Variants in CSMD3 observed in about 807,000 individuals in gnomAD.
The protein encoded by CSMD3 is CUB and sushi domain-containing protein 3.
Under a neutral mutation model 435.2 loss-of-function variants are expected in CSMD3, and 177 were observed. That is an observed-to-expected ratio of 0.41 (90% CI 0.36 to 0.46). CSMD3 has a LOEUF of 0.46. CSMD3 is among the 20% of genes least tolerant of loss of function. CSMD3 has a pLI of 0.34. For synonymous variants in CSMD3, 1,656 were observed against 1,520.5 expected, an observed-to-expected ratio of 1.09 and a Z score of -2.07; for missense variants, 4,265 against 4,504.6, an observed-to-expected ratio of 0.95 and a Z score of 1.52.
At chr8:112,244,670 C>T in intron 64 of CSMD3, 97 bp from the exon 65 acceptor site, 2 of 799,374 alleles carry the variant, frequency 2.5e-6, no homozygotes, top group South Asian at 3.0e-5. Flanking sequence ...ACTTCAATGC[C>T]TTTATATACA....
chr8:112,437,575 G>A (rs984713992), intron 32 of CSMD3, among the ~76,000 whole-genome samples: 2 of 151,878 alleles, frequency 1.3e-5, no homozygotes, highest in Non-Finnish European at 2.9e-5. Flanking sequence ...ATATATATAT[G>A]TGTGTGTGTA....
intron 13 of CSMD3, among the ~76,000 whole-genome samples, chr8:112,726,997 G>A (rs2076980427): frequency 6.6e-6 from 1 of 151,494 alleles, no homozygotes; most frequent in Non-Finnish European, 1.5e-5. Flanking sequence ...AAAAAATAAA[G>A]ACAAAAATGA....
intron 10 of CSMD3, among the ~76,000 whole-genome samples, chr8:112,869,051 G>A (rs1396814964): frequency 6.6e-6 from 1 of 152,056 alleles, no homozygotes; most frequent in Non-Finnish European, 1.5e-5. Context: ...GAGAGAGTGG[G>A]GATTTTGGTG....
chr8:113,400,740 T>C (rs2094506123), intron 1 of CSMD3, among the ~76,000 whole-genome samples: 1 of 151,924 alleles, frequency 6.6e-6, no homozygotes, highest in African/African-American at 2.4e-5. Flanking sequence ...TGTTGAGTTT[T>C]AGAGCTTTAC....
chr8:112,827,924 G>A (rs904281256), intron 12 of CSMD3, among the ~76,000 whole-genome samples: 2 of 152,096 alleles, frequency 1.3e-5, no homozygotes, highest in Non-Finnish European at 2.9e-5. Context: ...TTTACAAGAA[G>A]CCATAAATTC....
chr8:112,366,404 T>C (rs1247479729), intron 38 of CSMD3, among the ~76,000 whole-genome samples: 1 of 152,122 alleles, frequency 6.6e-6, no homozygotes, highest in African/African-American at 2.4e-5. Flanking sequence ...TTTTTTGTTT[T>C]GTGTTGTTTT....
intron 13 of CSMD3, among the ~76,000 whole-genome samples, chr8:112,721,659 C>T (rs1409355383): frequency 6.6e-6 from 1 of 152,146 alleles, no homozygotes; most frequent in African/African-American, 2.4e-5. Context: ...TTTACTAATG[C>T]ATTGTTCCTT....
At chr8:113,037,497 G>C (rs2087405625) in intron 5 of CSMD3, among the ~76,000 whole-genome samples, 1 of 151,754 alleles carries the variant, frequency 6.6e-6, no homozygotes, top group South Asian at 2.1e-4. Context: ...TCATTTCATT[G>C]ATTTTTCTAA....
chr8:113,273,562 T>G (rs924612799), intron 3 of CSMD3, among the ~76,000 whole-genome samples: 4 of 152,144 alleles, frequency 2.6e-5, no homozygotes, highest in Non-Finnish European at 5.9e-5. Flanking sequence ...GATACTTATT[T>G]GTGGTCTCAG....
intron 5 of CSMD3, among the ~76,000 whole-genome samples, chr8:113,054,979 T>C (rs1335358630): frequency 2.0e-5 from 3 of 152,200 alleles, no homozygotes; most frequent in Non-Finnish European, 2.9e-5. Flanking sequence ...ATTTAAAATG[T>C]TATCTAACAT....
chr8:112,535,160 G>T (rs2131097729), intron 27 of CSMD3, among the ~76,000 whole-genome samples: 1 of 151,326 alleles, frequency 6.6e-6, no homozygotes, highest in Admixed American at 6.6e-5. Context: ...AGTGTTGGAA[G>T]TTCTGGCCAG....
In CSMD3 at chr8:112,352,485, A is replaced by G; in HGVS notation, c.6186T>C (p.Ile2062=). Residue 2062 remains isoleucine, a synonymous_variant, in exon 39 of 71, where the codon ATT becomes ATC. Transcript: ENST00000297405. The stretch of plus-strand genomic sequence containing the variant: ...CAACCATATATCTGTCTCCAATTTT[A>G]ATTCCACTGCTAGGAGTTTGTGGTT... ...CPEPQTPSSG[I]KIGDRYMVGD... is the part of the protein sequence containing the mutation. 1.2e-6 allele frequency: 2 copies of G among 1,613,708 alleles called. No homozygotes were observed.
chr8:112,718,683 T>C (rs549524812), intron 13 of CSMD3, among the ~76,000 whole-genome samples: 1 of 152,166 alleles, frequency 6.6e-6, no homozygotes, highest in Non-Finnish European at 1.5e-5. Flanking sequence ...ATGTAAGGTG[T>C]CTATCCTTGG....
chr8:113,105,657 T>C (rs1452200446), intron 4 of CSMD3, among the ~76,000 whole-genome samples: 1 of 152,072 alleles, frequency 6.6e-6, no homozygotes, highest in Non-Finnish European at 1.5e-5. Context: ...GAGTATTCAG[T>C]AGAAATCTCA....
chr8:112,431,761 T>C (rs1034181118), intron 32 of CSMD3, among the ~76,000 whole-genome samples: 3 of 152,156 alleles, frequency 2.0e-5, no homozygotes, highest in African/African-American at 4.8e-5. Flanking sequence ...TTTTTGAGGA[T>C]TGACTGCCTC....
rs1347289372 is a variant in CSMD3 at position 113,217,275 on chromosome 8, T to C, written c.515-43359A>G. Among the ~76,000 whole-genome samples, 5 of 151,614 alleles carry C rather than the reference T, an allele frequency of 3.3e-5. No individual in the cohort carries two copies. In the Admixed American group the frequency reaches 3.3e-4, roughly 10 times the overall value. On this transcript the variant is annotated intron_variant, in intron 3 of 70. Coordinates refer to ENST00000297405, the MANE Select transcript of CSMD3 (RefSeq NM_198123.2). ...ATAATACAAACCCACTACAACATAT[T>C]ATCCATAAAGCCCACCATAAAAACA... is the stretch of plus-strand genomic sequence containing the variant.
intron 3 of CSMD3, among the ~76,000 whole-genome samples, chr8:113,220,089 T>C (rs1021090744): frequency 6.6e-6 from 1 of 151,400 alleles, no homozygotes; most frequent in Non-Finnish European, 1.5e-5. Flanking sequence ...CTCAACAGTT[T>C]GAAAAAATTG....
chr8:113,041,520 C>G (rs1316178459), intron 5 of CSMD3, among the ~76,000 whole-genome samples: 1 of 152,082 alleles, frequency 6.6e-6, no homozygotes, highest in Non-Finnish European at 1.5e-5. Flanking sequence ...TTAAAGACCA[C>G]TTGGAGGAGC....
intron 5 of CSMD3, among the ~76,000 whole-genome samples, chr8:113,063,081 T>A (rs1011775861): frequency 5.3e-5 from 8 of 151,468 alleles, no homozygotes; most frequent in Admixed American, 1.3e-4. Context: ...AAAAAAAAAA[T>A]TCAAATGTTT....
Sources: allele counts gnomAD v4.1 joint callset (sites outside exome capture counted in the v4.1 genomes callset), GRCh38; gene constraint gnomAD v4.1.1; transcripts MANE v1.5; gene names NCBI Gene and HGNC (gene_info 2026-07-23, HGNC 2026-07-21).